The following CADM2 variants were observed in gnomAD, a reference collection of about 807,000 sequenced individuals.
The protein encoded by CADM2 is immunoglobulin superfamily member 4D.
A neutral mutation model predicts 49.8 loss-of-function variants in CADM2; 12 were observed. The observed-to-expected ratio is 0.24, with a 90% CI of 0.15 to 0.39. CADM2 has a LOEUF of 0.39. CADM2 is among the 10% of genes least tolerant of loss of function. The pLI is 1.00. For missense variants in CADM2, 378 were observed against 492.3 expected (o/e 0.77, Z 2.20); for synonymous variants, 214 against 175.4 (o/e 1.22, Z -1.74).
At chr3:85,801,775 T>C (rs1468176607) in intron 2 of CADM2, among the ~76,000 whole-genome samples, 2 of 152,160 alleles carry the variant, frequency 1.3e-5, no homozygotes, top group African/African-American at 2.4e-5. Flanking sequence ...AAATATAATA[T>C]TACTATTTGA....
chr3:86,064,751 A>G (rs999439793), intron 8 of CADM2, among the ~76,000 whole-genome samples: 1 of 152,154 alleles, frequency 6.6e-6, no homozygotes, highest in East Asian at 1.9e-4. Context: ...TGACCTTTTC[A>G]TTTCTTCTTG....
At chr3:85,177,931 T>C (rs1358022785) in intron 1 of CADM2, among the ~76,000 whole-genome samples, 1 of 151,964 alleles carries the variant, frequency 6.6e-6, no homozygotes, top group Admixed American at 6.6e-5. Context: ...ATCCAATTAT[T>C]GAATTTAGTA....
At chr3:85,989,614 G>A (rs944030372) in intron 8 of CADM2, among the ~76,000 whole-genome samples, 1 of 152,128 alleles carries the variant, frequency 6.6e-6, no homozygotes, top group African/African-American at 2.4e-5. Context: ...AGAGATACGT[G>A]TGCTCCAAAT....
chr3:85,352,836 T>A (rs888005107), intron 1 of CADM2, among the ~76,000 whole-genome samples: 3 of 152,130 alleles, frequency 2.0e-5, no homozygotes, highest in Non-Finnish European at 4.4e-5. Flanking sequence ...TCCATGTGGT[T>A]CTGGTTATTA....
intron 1 of CADM2, among the ~76,000 whole-genome samples, chr3:85,591,050 T>C (rs1325093956): frequency 6.6e-6 from 1 of 151,956 alleles, no homozygotes; most frequent in Non-Finnish European, 1.5e-5. Context: ...TGGTCAGAAG[T>C]GCTATCACTG....
chr3:86,063,024 G>T (rs1431383992), intron 8 of CADM2, among the ~76,000 whole-genome samples: 1 of 152,036 alleles, frequency 6.6e-6, no homozygotes, highest in Non-Finnish European at 1.5e-5. Flanking sequence ...ATAACTGAAA[G>T]CAAAGAAGAT....
chr3:85,223,142 A>T (rs1233247742), intron 1 of CADM2, among the ~76,000 whole-genome samples: 1 of 152,158 alleles, frequency 6.6e-6, no homozygotes, highest in Non-Finnish European at 1.5e-5. Flanking sequence ...AACAATTTAA[A>T]AACTTTATTT....
intron 2 of CADM2, among the ~76,000 whole-genome samples, chr3:85,756,376 A>G (rs868135009): frequency 6.6e-6 from 1 of 152,168 alleles, no homozygotes; most frequent in Non-Finnish European, 1.5e-5. Flanking sequence ...AATTCTGATT[A>G]TTGAATCCAG....
chr3:85,457,090 C>A (rs1395149123), intron 1 of CADM2, among the ~76,000 whole-genome samples: 1 of 151,876 alleles, frequency 6.6e-6, no homozygotes, highest in Non-Finnish European at 1.5e-5. Flanking sequence ...AACTGTTTAT[C>A]AGATTCTTTA....
chr3:85,962,277 T>A (rs184062271), intron 8 of CADM2, among the ~76,000 whole-genome samples: 1 of 152,122 alleles, frequency 6.6e-6, no homozygotes, highest in East Asian at 1.9e-4. Context: ...TCATGAAAAT[T>A]ACATTTCCTT....
At position 85,533,652 on chromosome 3, in the gene CADM2, A is replaced by G. The variant is rs189472388; in HGVS notation, c.62-192870A>G. ...CAAGTATTTTTCTCCTAAAATAAGT[A>G]AAACCCTGTGAATCTAGACAGAAAC... On this transcript the variant is annotated intron_variant, in intron 1 of 9. Coordinates refer to ENST00000383699, the MANE Select transcript of CADM2 (RefSeq NM_001167675.2). Among the ~76,000 whole-genome samples the G allele has an allele frequency of 7.9e-5, 12 of 152,332 alleles. No individual in the cohort carries two copies. In the East Asian group the frequency reaches 1.7e-3, roughly 22 times the overall value.
At chr3:85,752,812 G>A (rs1379291425) in intron 2 of CADM2, among the ~76,000 whole-genome samples, 2 of 151,912 alleles carry the variant, frequency 1.3e-5, no homozygotes, top group African/African-American at 4.8e-5. Context: ...AACACAAATA[G>A]TTTTCAGATG....
intron 1 of CADM2, among the ~76,000 whole-genome samples, chr3:85,544,267 A>G (rs2061612089): frequency 6.6e-6 from 1 of 152,268 alleles, no homozygotes; most frequent in Non-Finnish European, 1.5e-5. Flanking sequence ...GCTAGCTTAA[A>G]TAAATTACAG....
intron 1 of CADM2, among the ~76,000 whole-genome samples, chr3:85,675,681 A>T (rs921182854): frequency 2.0e-5 from 3 of 152,200 alleles, no homozygotes; most frequent in African/African-American, 7.2e-5. Flanking sequence ...AAAAGAAGAA[A>T]TGGACAAATC....
chr3:85,760,332 G>A (rs2069312848), intron 2 of CADM2, among the ~76,000 whole-genome samples: 1 of 139,442 alleles, frequency 7.2e-6, no homozygotes, highest in East Asian at 2.2e-4. Flanking sequence ...TTGAAAGATG[G>A]ATACTTCTTT....
At chr3:85,363,689 G>T (rs1041321340) in intron 1 of CADM2, among the ~76,000 whole-genome samples, 1 of 152,176 alleles carries the variant, frequency 6.6e-6, no homozygotes, top group Non-Finnish European at 1.5e-5. Context: ...TTGGCTCACT[G>T]CAAGCTCCGC....
At chr3:85,759,362 G>C (rs1364280450) in intron 2 of CADM2, among the ~76,000 whole-genome samples, 1 of 151,974 alleles carries the variant, frequency 6.6e-6, no homozygotes, top group Non-Finnish European at 1.5e-5. Flanking sequence ...ACACGAATAT[G>C]GTCTACTATA....
At chr3:85,483,027 C>A (rs1183246292) in intron 1 of CADM2, among the ~76,000 whole-genome samples, 2 of 151,504 alleles carry the variant, frequency 1.3e-5, no homozygotes, top group African/African-American at 4.8e-5. Flanking sequence ...GACTAAAAAA[C>A]ACCCATAAAA....
intron 3 of CADM2, among the ~76,000 whole-genome samples, chr3:85,868,536 A>G (rs1292814117): frequency 1.3e-5 from 2 of 151,956 alleles, no homozygotes; most frequent in Non-Finnish European, 2.9e-5. Context: ...ATGTCTAACG[A>G]TTTTCTATTG....
Sources: allele counts gnomAD v4.1 joint callset (sites outside exome capture counted in the v4.1 genomes callset), GRCh38; gene constraint gnomAD v4.1.1; transcripts MANE v1.5; gene names NCBI Gene and HGNC (gene_info 2026-07-23, HGNC 2026-07-21).